GRAMD2B: variants seen among roughly 807,000 people sequenced by gnomAD.
GRAMD2B encodes GRAM domain-containing protein 2B.
GRAMD2B carries 41 observed loss-of-function variants against 59.2 expected under a neutral mutation model. The observed-to-expected ratio is 0.69, with a 90% CI of 0.54 to 0.90. GRAMD2B has a LOEUF of 0.90. Ranked by LOEUF, GRAMD2B falls within the 40% of genes least tolerant of loss-of-function variation. The pLI is 0.00. For missense variants in GRAMD2B, 424 were observed against 500.5 expected, an observed-to-expected ratio of 0.85 and a Z score of 1.46; for synonymous variants, 161 against 182.7, an observed-to-expected ratio of 0.88 and a Z score of 0.96.
In GRAMD2B at chr5:126,489,006, C is replaced by CAT; in HGVS notation, c.1257+115_1257+116dup. On this transcript the variant is annotated intron_variant, in intron 13 of 13. Transcript: ENST00000285689. ...CCGTTAGTGTGCCGCAATAAACCTA[C>CAT]ATGATCAACCCTGGCTAGGGGCTTT... 4.8e-6 allele frequency: 3 copies of CAT among 619,722 alleles called. No individual in the cohort carries two copies. In the African/African-American group the frequency reaches 5.6e-5, roughly 12 times the overall value. 38.4% of individuals were successfully genotyped at this position (619,722 alleles called of 1,614,324 possible). A position where few individuals can be genotyped will look rare whatever the true frequency, so the allele number is the denominator to read the frequency against.
chr5:126,382,565 T>A (rs1465636704), intron 1 of GRAMD2B, among the ~76,000 whole-genome samples: 2 of 152,176 alleles, frequency 1.3e-5, no homozygotes, highest in African/African-American at 4.8e-5. Context: ...TTATGCTATC[T>A]GTTTCTCTGG....
At chr5:126,371,331 C>T (rs1754739672) in exon 1 of GRAMD2B, 1 of 1,137,252 alleles carries the variant, frequency 8.8e-7, no homozygotes, top group Non-Finnish European at 1.1e-6. Context: ...AAAGAGCTTC[C>T]TGCAATTCAA....
chr5:126,404,878 T>A (rs1035807353), intron 1 of GRAMD2B, among the ~76,000 whole-genome samples: 3 of 151,904 alleles, frequency 2.0e-5, no homozygotes, highest in Non-Finnish European at 4.4e-5. Flanking sequence ...AAATAAATCA[T>A]GAATACTCAT....
At position 126,465,855 on chromosome 5, in the gene GRAMD2B, G is replaced by A. The variant is rs548438471; in HGVS notation, c.203+310G>A. On this transcript the variant is annotated intron_variant, in intron 2 of 13. Coordinates refer to ENST00000285689, the MANE Select transcript of GRAMD2B (RefSeq NM_023927.4). Reference sequence around the variant, plus strand: ...GCTGGCCAGGTTGGAGTGTCTGCCCGGCCTTGGGTGTGCACACCTGGTGTC... The same window carrying A: ...GCTGGCCAGGTTGGAGTGTCTGCCCAGCCTTGGGTGTGCACACCTGGTGTC... Among the ~76,000 whole-genome samples, 14 of 152,224 alleles carry A rather than the reference G, an allele frequency of 9.2e-5. No homozygotes were observed. In the East Asian group the frequency reaches 9.6e-4, roughly 10 times the overall value.
At chr5:126,416,618 T>C (rs1046722322) in intron 1 of GRAMD2B, among the ~76,000 whole-genome samples, 3 of 152,186 alleles carry the variant, frequency 2.0e-5, no homozygotes, top group African/African-American at 7.2e-5. Flanking sequence ...TGAGATTCCA[T>C]CCTTCTCCCG....
At chr5:126,487,505 A>C (rs1260666463) in intron 12 of GRAMD2B, among the ~76,000 whole-genome samples, 1 of 152,180 alleles carries the variant, frequency 6.6e-6, no homozygotes, top group Non-Finnish European at 1.5e-5. Context: ...AAACCTTTTC[A>C]GACATAGAGC....
chr5:126,455,518 C>CTTAT (rs1190571166), intron 1 of GRAMD2B, among the ~76,000 whole-genome samples: 12 of 152,080 alleles, frequency 7.9e-5, no homozygotes, highest in Admixed American at 7.2e-4. Flanking sequence ...TTCTCATGAC[C>CTTAT]TTATGGCATC....
intron 5 of GRAMD2B, 59 bp from the exon 6 acceptor site, chr5:126,477,633 G>A (rs1439948983): frequency 3.3e-6 from 3 of 919,404 alleles, no homozygotes; most frequent in Non-Finnish European, 5.5e-6. Flanking sequence ...TAAATGTGAA[G>A]ATTTGAAGTG....
intron 1 of GRAMD2B, among the ~76,000 whole-genome samples, chr5:126,360,759 G>A (rs1209829782): frequency 6.6e-6 from 1 of 152,194 alleles, no homozygotes; most frequent in Non-Finnish European, 1.5e-5. Context: ...GGGAATTCAA[G>A]TGGAGACAGC....
chr5:126,469,207 G>T (rs1301896535), intron 2 of GRAMD2B, among the ~76,000 whole-genome samples: 3 of 152,132 alleles, frequency 2.0e-5, no homozygotes. Flanking sequence ...TGAAATCATT[G>T]CAGTGTCCTA....
At chr5:126,473,486 C>A (rs1770005766) in intron 5 of GRAMD2B, 118 bp downstream of exon 5, 1 of 430,816 alleles carries the variant, frequency 2.3e-6, no homozygotes, top group Non-Finnish European at 4.2e-6. Context: ...TCTTTTATGT[C>A]AAGTTTCTTT....
intron 1 of GRAMD2B, among the ~76,000 whole-genome samples, chr5:126,403,611 A>G (rs569001033): frequency 6.6e-5 from 10 of 152,030 alleles, no homozygotes; most frequent in Admixed American, 3.9e-4. Context: ...AGGGGGGAAA[A>G]AATTTTAACA....
intron 1 of GRAMD2B, among the ~76,000 whole-genome samples, chr5:126,363,059 T>C (rs1015399036): frequency 1.3e-5 from 2 of 152,126 alleles, no homozygotes; most frequent in South Asian, 2.1e-4. Flanking sequence ...ATAGAAAATA[T>C]TTACAAATCA....
chr5:126,446,620 TAA>T (rs34271639), intron 1 of GRAMD2B, among the ~76,000 whole-genome samples: 16,090 of 135,170 alleles, frequency 0.12, 1,210 homozygotes, highest in African/African-American at 0.23. Context: ...TTTTAAAAAT[TAA>T]AAAAAAAAAA....
intron 1 of GRAMD2B, among the ~76,000 whole-genome samples, chr5:126,404,803 G>A (rs1758129088): frequency 6.6e-6 from 1 of 151,786 alleles, no homozygotes; most frequent in Admixed American, 6.6e-5. Context: ...ATGTCAACAG[G>A]TAGACAACCC....
Position 126,493,061 on chromosome 5 carries a change from C to A in GRAMD2B, c.*105C>A. 1.3e-6 allele frequency: 1 copy of A among 794,052 alleles called. No homozygotes were observed. The highest frequency in any genetic ancestry group is 2.2e-6 in the Non-Finnish European group (1 of 462,360). The allele number at this position is 794,052 out of a possible 1,614,324, so 49.2% of individuals were successfully genotyped here. On this transcript the variant is annotated 3_prime_UTR_variant, in exon 14 of 14. Coordinates refer to ENST00000285689, the MANE Select transcript of GRAMD2B (RefSeq NM_023927.4). ...GCACCCTGCTGGTCAGAGGTGCAAG[C>A]AGATGAGAATCCAGACATTGCATGT...
chr5:126,462,879 G>A (rs112276265), intron 1 of GRAMD2B, among the ~76,000 whole-genome samples: 4,365 of 152,312 alleles, frequency 0.029, 90 homozygotes, highest in Non-Finnish European at 0.043. Context: ...GTGAAGTGGA[G>A]AGTATGTAGA....
chr5:126,381,492 A>T (rs1161181906), intron 1 of GRAMD2B, among the ~76,000 whole-genome samples: 2 of 152,012 alleles, frequency 1.3e-5, no homozygotes, highest in Non-Finnish European at 2.9e-5. Context: ...GTTTTGTCTG[A>T]TATAAGAATA....
chr5:126,459,799 C>T (rs891065702), intron 1 of GRAMD2B, among the ~76,000 whole-genome samples: 3 of 152,156 alleles, frequency 2.0e-5, no homozygotes, highest in African/African-American at 7.2e-5. Flanking sequence ...AAGGCTAACA[C>T]TTTATTAGTG....
Sources: allele counts gnomAD v4.1 joint callset (sites outside exome capture counted in the v4.1 genomes callset), GRCh38; gene constraint gnomAD v4.1.1; transcripts MANE v1.5; gene names NCBI Gene and HGNC (gene_info 2026-07-23, HGNC 2026-07-21).